MALRD1: variants seen among roughly 807,000 people sequenced by gnomAD.
The protein encoded by MALRD1 is MAM and LDL receptor class A domain containing 1.
In MALRD1, 247 loss-of-function variants were observed where a neutral mutation model predicts 242.1. That is an observed-to-expected ratio of 1.02 (90% CI 0.92 to 1.13). The LOEUF (loss-of-function observed/expected upper bound fraction) is 1.13. Among genes scored for constraint, MALRD1 ranks in the 50% most tolerant of loss-of-function variants. The pLI is 0.00. For synonymous variants in MALRD1, 995 were observed against 866.6 expected (o/e 1.15, Z -2.60); for missense variants, 2,989 against 2,533.1 (o/e 1.18, Z -3.86).
chr10:19,062,610 A>G (rs1834855181), intron 1 of MALRD1, among the ~76,000 whole-genome samples: 1 of 152,230 alleles, frequency 6.6e-6, no homozygotes, highest in South Asian at 2.1e-4. Context: ...ATGCTAAGTG[A>G]AATAAGCAAC....
intron 28 of MALRD1, among the ~76,000 whole-genome samples, chr10:19,414,712 G>A (rs981158259): frequency 6.6e-6 from 1 of 152,142 alleles, no homozygotes; most frequent in African/African-American, 2.4e-5. Flanking sequence ...TGTGAAAGCT[G>A]TTGATAATCA....
At chr10:19,424,316 C>G (rs183066332) in intron 28 of MALRD1, among the ~76,000 whole-genome samples, 27 of 152,134 alleles carry the variant, frequency 1.8e-4, no homozygotes, top group Non-Finnish European at 7.4e-5. Context: ...CCCACCACCA[C>G]GCTTAGCTCA....
chr10:19,204,639 G>A (rs1033910964), intron 16 of MALRD1, among the ~76,000 whole-genome samples: 4 of 152,076 alleles, frequency 2.6e-5, no homozygotes, highest in Non-Finnish European at 5.9e-5. Context: ...CCCAACCATG[G>A]ATTATAATTT....
chr10:19,392,582 A>G lies in MALRD1; in HGVS notation c.4845+2973A>G, dbSNP rs1351985946. Among the ~76,000 whole-genome samples, 4 of 152,350 alleles carry G rather than the reference A, an allele frequency of 2.6e-5. 1 individual carries two copies. The highest frequency in any genetic ancestry group is 2.0e-4 in the Admixed American group (3 of 15,306). On this transcript the variant is annotated intron_variant, in intron 28 of 39. Coordinates refer to ENST00000454679, the MANE Select transcript of MALRD1 (RefSeq NM_001142308.3). ...AGAACATTTGGTAAAGAGCAGTACCATATTACCTATTTCTGTATTTTTTGC... is the reference window on the plus strand; with the variant it reads ...AGAACATTTGGTAAAGAGCAGTACCGTATTACCTATTTCTGTATTTTTTGC...
intron 18 of MALRD1, among the ~76,000 whole-genome samples, chr10:19,231,164 A>G (rs1838049269): frequency 6.6e-6 from 1 of 152,190 alleles, no homozygotes; most frequent in South Asian, 2.1e-4. Flanking sequence ...AGTGAAAGGT[A>G]TTAAAACTCC....
chr10:19,508,974 A>C (rs1833273200), intron 31 of MALRD1, among the ~76,000 whole-genome samples: 1 of 152,232 alleles, frequency 6.6e-6, no homozygotes, highest in African/African-American at 2.4e-5. Flanking sequence ...GAAGTGGCAA[A>C]GATGGTCTAT....
intron 24 of MALRD1, among the ~76,000 whole-genome samples, chr10:19,342,902 G>A (rs184503977): frequency 6.4e-4 from 98 of 152,134 alleles, no homozygotes; most frequent in African/African-American, 2.0e-3. Context: ...AAATCAGGTC[G>A]TTGACAGAGA....
At chr10:19,702,666 T>C (rs12263911) in intron 38 of MALRD1, among the ~76,000 whole-genome samples, 16,455 of 152,170 alleles carry the variant, frequency 0.11, 2,246 homozygotes, top group African/African-American at 0.32. Context: ...CAAGTTAAAC[T>C]TCAAAATCAG....
At chr10:19,289,337 A>AT (rs1564533159) in intron 21 of MALRD1, among the ~76,000 whole-genome samples, 1 of 152,202 alleles carries the variant, frequency 6.6e-6, no homozygotes, top group African/African-American at 2.4e-5. Flanking sequence ...AGGAGCTGTG[A>AT]TTTCCCAATG....
At chr10:19,621,394 A>C (rs1323313053) in intron 36 of MALRD1, among the ~76,000 whole-genome samples, 1 of 150,086 alleles carries the variant, frequency 6.7e-6, no homozygotes, top group Non-Finnish European at 1.5e-5. Flanking sequence ...AACCCAAGGA[A>C]ATGAATTGGC....
In MALRD1 at chr10:19,331,586, A is replaced by C; in HGVS notation, c.3901+4A>C. On this transcript the variant is annotated splice_donor_region_variant and intron_variant, in intron 24 of 39. Coordinates refer to ENST00000454679, the MANE Select transcript of MALRD1 (RefSeq NM_001142308.3). ...GATGAGACTACTTTCATTTGCCGTAAGTAAAAGGGTTCTGTTTTCTTACTT... is the reference window on the plus strand; with the variant it reads ...GATGAGACTACTTTCATTTGCCGTACGTAAAAGGGTTCTGTTTTCTTACTT... 6.5e-7 allele frequency: 1 copy of C among 1,549,178 alleles called. No individual in the cohort carries two copies. Among genetic ancestry groups the C allele is most frequent in the Non-Finnish European group, 8.7e-7 (1 of 1,145,952 alleles).
chr10:19,165,002 T>A (rs1834612574), intron 12 of MALRD1, among the ~76,000 whole-genome samples: 1 of 151,970 alleles, frequency 6.6e-6, no homozygotes, highest in Non-Finnish European at 1.5e-5. Context: ...TTACAGTTTT[T>A]AAAATTAACC....
At chr10:19,157,813 GT>G (rs1564429455) in intron 12 of MALRD1, among the ~76,000 whole-genome samples, 1 of 151,820 alleles carries the variant, frequency 6.6e-6, no homozygotes, top group African/African-American at 2.4e-5. Context: ...CAGTTAAGAA[GT>G]TTTTGTTTTT....
chr10:19,469,172 T>A (rs948053553), intron 29 of MALRD1, among the ~76,000 whole-genome samples: 4 of 152,048 alleles, frequency 2.6e-5, no homozygotes, highest in Non-Finnish European at 5.9e-5. Flanking sequence ...ATTATACACA[T>A]AAAAGAGTAT....
At chr10:19,585,152 A>G (rs528505340) in intron 33 of MALRD1, among the ~76,000 whole-genome samples, 18 of 152,316 alleles carry the variant, frequency 1.2e-4, no homozygotes, top group Middle Eastern at 3.4e-3. Flanking sequence ...TGAATACAGC[A>G]CACTGATGGG....
At chr10:19,562,958 T>C (rs1836062447) in intron 32 of MALRD1, among the ~76,000 whole-genome samples, 2 of 152,162 alleles carry the variant, frequency 1.3e-5, no homozygotes, top group African/African-American at 4.8e-5. Context: ...AAAGGGTCCC[T>C]GGTGCCAAAA....
intron 21 of MALRD1, among the ~76,000 whole-genome samples, chr10:19,306,105 G>A (rs976073202): frequency 1.2e-5 from 1 of 82,820 alleles, no homozygotes; most frequent in East Asian, 3.4e-4. Flanking sequence ...ATACTAGATA[G>A]TATATATATA....
intron 38 of MALRD1, among the ~76,000 whole-genome samples, chr10:19,696,873 G>A (rs1198703360): frequency 1.3e-5 from 2 of 151,934 alleles, no homozygotes; most frequent in African/African-American, 4.8e-5. Flanking sequence ...CTGAGGTCAC[G>A]CCACCACACT....
chr10:19,158,479 C>T (rs1278370176), intron 12 of MALRD1, among the ~76,000 whole-genome samples: 3 of 152,102 alleles, frequency 2.0e-5, no homozygotes, highest in East Asian at 1.9e-4. Context: ...TTATGAGGGC[C>T]AGCCTACATA....
Sources: allele counts gnomAD v4.1 joint callset (sites outside exome capture counted in the v4.1 genomes callset), GRCh38; gene constraint gnomAD v4.1.1; transcripts MANE v1.5; gene names NCBI Gene and HGNC (gene_info 2026-07-23, HGNC 2026-07-21).